Variants in NDUFAF2 observed in about 807,000 individuals in gnomAD.
NDUFAF2 encodes NADH:ubiquinone oxidoreductase complex assembly factor 2.
NDUFAF2 carries 13 observed loss-of-function variants against 22.8 expected under a neutral mutation model. The observed-to-expected ratio is 0.57, with a 90% CI of 0.37 to 0.91. NDUFAF2 has a LOEUF of 0.91. Ranked by LOEUF, NDUFAF2 falls within the 40% of genes least tolerant of loss-of-function variation. NDUFAF2 has a pLI of 0.01. For synonymous variants in NDUFAF2, 53 were observed against 64.2 expected (o/e 0.83, Z 0.84); for missense variants, 162 against 195.2 (o/e 0.83, Z 1.01).
chr5:61,111,508 C>A (rs1327892668), intron 3 of NDUFAF2, among the ~76,000 whole-genome samples: 1 of 152,042 alleles, frequency 6.6e-6, no homozygotes, highest in Non-Finnish European at 1.5e-5. Context: ...ATGATCTTGG[C>A]TCACTGCAAC....
At chr5:61,098,617 T>C (rs996630708) in intron 2 of NDUFAF2, among the ~76,000 whole-genome samples, 1 of 152,242 alleles carries the variant, frequency 6.6e-6, no homozygotes, top group African/African-American at 2.4e-5. Flanking sequence ...CAGAATAATA[T>C]AATTTTGATA....
chr5:61,124,736 C>A lies in NDUFAF2; in HGVS notation c.258+25704C>A, dbSNP rs150595891. Among the ~76,000 whole-genome samples, 207 of 152,218 alleles carry A rather than the reference C, an allele frequency of 1.4e-3. 5 individuals carry two copies. In the East Asian group the frequency reaches 0.018, roughly 13 times the overall value. ...GAACATTTCCATTCATCACTGTGTT[C>A]AATTGGATAGTATTCCTTTAGCCTC... On this transcript the variant is annotated intron_variant, in intron 3 of 3. Coordinates refer to ENST00000296597, the MANE Select transcript of NDUFAF2 (RefSeq NM_174889.5).
rs768889484 is a variant in NDUFAF2 at position 61,035,424 on chromosome 5, G to GTTTTT, written c.128-37677_128-37673dup. Among the ~76,000 whole-genome samples, 34 of 40,516 alleles carry GTTTTT rather than the reference G, an allele frequency of 8.4e-4. 4 individuals carry two copies. The highest frequency in any genetic ancestry group is 1.5e-3 in the African/African-American group (15 of 9,984). 26.6% of individuals were successfully genotyped at this position (40,516 alleles called of 152,430 possible). A position where few individuals can be genotyped will look rare whatever the true frequency, so the allele number is the denominator to read the frequency against. On this transcript the variant is annotated intron_variant, in intron 1 of 3. Coordinates refer to ENST00000296597, the MANE Select transcript of NDUFAF2 (RefSeq NM_174889.5). ...GACAACTCTCTTTCTCTCTTGCTCT[G>GTTTTT]TTTTTTTTTTTTTTTTTTTTTTTTT...
chr5:61,057,676 T>C (rs941757301), intron 1 of NDUFAF2, among the ~76,000 whole-genome samples: 5 of 152,138 alleles, frequency 3.3e-5, no homozygotes, highest in African/African-American at 1.2e-4. Context: ...TTTTGTAAAT[T>C]GAACCTCTAA....
At chr5:61,090,884 A>G (rs2111755176) in intron 2 of NDUFAF2, among the ~76,000 whole-genome samples, 1 of 151,864 alleles carries the variant, frequency 6.6e-6, no homozygotes, top group Middle Eastern at 3.4e-3. Flanking sequence ...GTTCCTCTCT[A>G]GGTGTCCATG....
At chr5:60,982,039 G>T (rs183192563) in intron 1 of NDUFAF2, among the ~76,000 whole-genome samples, 7 of 152,112 alleles carry the variant, frequency 4.6e-5, no homozygotes, top group Admixed American at 1.3e-4. Flanking sequence ...CTTTGAACTG[G>T]GCAAAAATTT....
At chr5:61,100,613 T>A (rs1440719351) in intron 3 of NDUFAF2, among the ~76,000 whole-genome samples, 1 of 152,062 alleles carries the variant, frequency 6.6e-6, no homozygotes, top group Non-Finnish European at 1.5e-5. Flanking sequence ...TTCTGTTTCT[T>A]TGTTAGCAAA....
In NDUFAF2 at chr5:60,954,424, A is replaced by T. The variant is rs555904694; in HGVS notation, c.127+9042A>T. On this transcript the variant is annotated intron_variant, in intron 1 of 3. Transcript: ENST00000296597. Reference sequence around the variant, plus strand: ...AGCACAATAGGTATTGTTGTGTCCTAAATCACATTCCAGTTGTCTCTATTT... The same window carrying T: ...AGCACAATAGGTATTGTTGTGTCCTTAATCACATTCCAGTTGTCTCTATTT... 5.0e-3 allele frequency among the ~76,000 whole-genome samples: 766 copies of T among 152,294 alleles called. 10 individuals carry two copies. The highest frequency in any genetic ancestry group is 0.018 in the African/African-American group (749 of 41,544).
intron 1 of NDUFAF2, among the ~76,000 whole-genome samples, chr5:60,995,260 G>C (rs1751214219): frequency 6.6e-6 from 1 of 152,162 alleles, no homozygotes; most frequent in African/African-American, 2.4e-5. Flanking sequence ...GTTCTTCAGT[G>C]TCTGGGCATT....
intron 3 of NDUFAF2, among the ~76,000 whole-genome samples, chr5:61,111,514 G>A (rs1752839989): frequency 1.3e-5 from 2 of 151,924 alleles, no homozygotes; most frequent in Admixed American, 6.6e-5. Context: ...TTGGCTCACT[G>A]CAACCTCCAC....
chr5:61,024,521 G>A (rs894751184), intron 1 of NDUFAF2, among the ~76,000 whole-genome samples: 3 of 151,798 alleles, frequency 2.0e-5, no homozygotes, highest in East Asian at 1.9e-4. Context: ...TATAAGACAC[G>A]TCATTTTCAT....
At chr5:61,094,302 T>C (rs1236820164) in intron 2 of NDUFAF2, among the ~76,000 whole-genome samples, 1 of 152,228 alleles carries the variant, frequency 6.6e-6, no homozygotes, top group Non-Finnish European at 1.5e-5. Context: ...GATTGCATTA[T>C]GAAATTCTTG....
chr5:61,082,659 A>G (rs559155561), intron 2 of NDUFAF2, among the ~76,000 whole-genome samples: 1 of 152,140 alleles, frequency 6.6e-6, no homozygotes, highest in Non-Finnish European at 1.5e-5. Flanking sequence ...ACTTCAGATT[A>G]TGGCCTCCTG....
chr5:61,072,692 G>T (rs1040073036), intron 1 of NDUFAF2, among the ~76,000 whole-genome samples: 37 of 152,184 alleles, frequency 2.4e-4, no homozygotes, highest in African/African-American at 8.7e-4. Flanking sequence ...TGCCTCCCGG[G>T]CTCAAGTGAT....
chr5:60,952,289 G>T (rs1339325628), intron 1 of NDUFAF2, among the ~76,000 whole-genome samples: 1 of 151,532 alleles, frequency 6.6e-6, no homozygotes, highest in Non-Finnish European at 1.5e-5. Flanking sequence ...TCTTAAGGTG[G>T]CCACTGAGAT....
chr5:61,130,914 TC>T (rs1226530913), intron 3 of NDUFAF2, among the ~76,000 whole-genome samples: 1 of 152,108 alleles, frequency 6.6e-6, no homozygotes, highest in Non-Finnish European at 1.5e-5. Context: ...GAAAACAGGT[TC>T]AACCTTCTTT....
intron 1 of NDUFAF2, among the ~76,000 whole-genome samples, chr5:60,960,884 A>G (rs930418032): frequency 2.0e-5 from 3 of 152,040 alleles, no homozygotes; most frequent in Non-Finnish European, 2.9e-5. Flanking sequence ...TTTTCCCCTC[A>G]GCTGAATAAA....
chr5:61,038,767 A>T (rs1751834179), intron 1 of NDUFAF2, among the ~76,000 whole-genome samples: 1 of 152,154 alleles, frequency 6.6e-6, no homozygotes, highest in Non-Finnish European at 1.5e-5. Flanking sequence ...ATTATTAATC[A>T]TCCAAAAAGG....
chr5:61,086,779 A>C (rs1040143413), intron 2 of NDUFAF2, among the ~76,000 whole-genome samples: 4 of 152,160 alleles, frequency 2.6e-5, no homozygotes, highest in African/African-American at 9.6e-5. Context: ...ATTGGACTTC[A>C]CCAAAATTTT....
Sources: allele counts gnomAD v4.1 joint callset (sites outside exome capture counted in the v4.1 genomes callset), GRCh38; gene constraint gnomAD v4.1.1; transcripts MANE v1.5; gene names NCBI Gene and HGNC (gene_info 2026-07-23, HGNC 2026-07-21).